The following CA10 variants were observed in gnomAD, a reference collection of about 807,000 sequenced individuals.
The protein encoded by CA10 is carbonic anhydrase 10 (inactive).
CA10 carries 14 observed loss-of-function variants against 44.2 expected under a neutral mutation model. The ratio of observed to expected loss-of-function variants is 0.32; its 90% CI spans 0.21 to 0.50. The LOEUF (loss-of-function observed/expected upper bound fraction) is 0.50, where lower values mean the gene tolerates loss of function less well. CA10 is among the 20% of genes least tolerant of loss of function. The pLI, the probability that CA10 is intolerant of heterozygous loss-of-function variation, is 0.99. For missense variants in CA10, 350 were observed against 409.7 expected (o/e 0.85, Z 1.26); for synonymous variants, 159 against 141.6 (o/e 1.12, Z -0.87).
In CA10 at chr17:51,760,984, C is replaced by T. The variant is rs1196402902; in HGVS notation, c.280-13166G>A. Among the ~76,000 whole-genome samples, 5 of 152,114 alleles carry T rather than the reference C, an allele frequency of 3.3e-5. No homozygotes were observed. In the South Asian group the frequency reaches 8.3e-4, roughly 25 times the overall value. ...TTTATACTCAAAACACATTACAATTCGAACTCACCACATTTCAATCGCGGC... is the reference window on the plus strand; with the variant it reads ...TTTATACTCAAAACACATTACAATTTGAACTCACCACATTTCAATCGCGGC... On this transcript the variant is annotated intron_variant, in intron 3 of 8. Transcript: ENST00000451037.
intron 3 of CA10, among the ~76,000 whole-genome samples, chr17:51,874,419 ACTCAG>A (rs1979959945): frequency 6.6e-6 from 1 of 151,480 alleles, no homozygotes; most frequent in East Asian, 1.9e-4. Context: ...AAAACTGAAA[ACTCAG>A]CTCTCCTTTA....
intron 1 of CA10, among the ~76,000 whole-genome samples, chr17:52,108,053 T>A (rs1988697583): frequency 6.6e-6 from 1 of 151,774 alleles, no homozygotes; most frequent in African/African-American, 2.4e-5. Context: ...TGCATTTAAT[T>A]AGCCACGCAC....
chr17:51,830,941 C>T (rs562708848), intron 3 of CA10, among the ~76,000 whole-genome samples: 19 of 152,252 alleles, frequency 1.2e-4, no homozygotes, highest in Admixed American at 7.2e-4. Flanking sequence ...CTATTTTTGC[C>T]ATTGAAAGTA....
intron 4 of CA10, among the ~76,000 whole-genome samples, chr17:51,717,632 TATGC>T (rs370385894): frequency 0.023 from 1,313 of 57,268 alleles, 294 homozygotes; most frequent in East Asian, 0.047. Flanking sequence ...TATGCACATA[TATGC>T]ATGTATATAT....
intron 2 of CA10, among the ~76,000 whole-genome samples, chr17:51,932,566 A>G (rs529642028): frequency 2.6e-5 from 4 of 152,128 alleles, no homozygotes; most frequent in Non-Finnish European, 5.9e-5. Flanking sequence ...CAAATATCTA[A>G]TTTGGTTTCA....
chr17:51,985,985 G>T (rs1984820591), intron 2 of CA10, among the ~76,000 whole-genome samples: 1 of 151,868 alleles, frequency 6.6e-6, no homozygotes, highest in South Asian at 2.1e-4. Flanking sequence ...ATTCTTTACA[G>T]AACTAGAAAA....
intron 1 of CA10, among the ~76,000 whole-genome samples, chr17:52,137,434 T>A (rs2143371059): frequency 6.6e-6 from 1 of 152,380 alleles, no homozygotes; most frequent in Non-Finnish European, 1.5e-5. Context: ...AATGCTTTTA[T>A]GCATAAATTG....
At chr17:51,898,463 T>A (rs945517798) in intron 3 of CA10, among the ~76,000 whole-genome samples, 1 of 152,176 alleles carries the variant, frequency 6.6e-6, no homozygotes, top group African/African-American at 2.4e-5. Flanking sequence ...CAGTATTTTG[T>A]TGACGATTTT....
intron 4 of CA10, among the ~76,000 whole-genome samples, chr17:51,704,471 T>A (rs1915699115): frequency 6.6e-6 from 1 of 152,224 alleles, no homozygotes; most frequent in Admixed American, 6.5e-5. Context: ...CGTAAAATAA[T>A]GTAGCTGAAC....
intron 1 of CA10, among the ~76,000 whole-genome samples, chr17:52,144,280 C>G (rs1295853808): frequency 6.6e-6 from 1 of 152,034 alleles, no homozygotes; most frequent in Non-Finnish European, 1.5e-5. Flanking sequence ...TGGATTAGGC[C>G]ATAATAATAC....
intron 1 of CA10, among the ~76,000 whole-genome samples, chr17:52,137,801 C>A: frequency 6.6e-6 from 1 of 152,180 alleles, no homozygotes; most frequent in Non-Finnish European, 1.5e-5. Flanking sequence ...GTTTACCCAA[C>A]CTAGCTTTAG....
At chr17:52,112,869 T>G (rs1988815386) in intron 1 of CA10, among the ~76,000 whole-genome samples, 1 of 152,222 alleles carries the variant, frequency 6.6e-6, no homozygotes, top group Non-Finnish European at 1.5e-5. Context: ...TCCAATGTTC[T>G]GAATGCACAT....
At chr17:52,136,036 A>G (rs973147528) in intron 1 of CA10, among the ~76,000 whole-genome samples, 3 of 152,214 alleles carry the variant, frequency 2.0e-5, no homozygotes, top group African/African-American at 7.2e-5. Flanking sequence ...GCTTAAAACC[A>G]AAGTTAAGTC....
At chr17:51,752,789 G>A (rs1321456158) in intron 3 of CA10, among the ~76,000 whole-genome samples, 4 of 152,050 alleles carry the variant, frequency 2.6e-5, no homozygotes, top group Non-Finnish European at 5.9e-5. Flanking sequence ...AGCGGGGTGT[G>A]GTAGCAGGCA....
At chr17:52,150,996 AT>A (rs928303398) in intron 1 of CA10, among the ~76,000 whole-genome samples, 6 of 151,992 alleles carry the variant, frequency 3.9e-5, no homozygotes, top group East Asian at 1.9e-4. Context: ...TTAGGTCAGG[AT>A]TTTTTTTAAT....
intron 3 of CA10, among the ~76,000 whole-genome samples, chr17:51,823,460 T>G (rs1907894330): frequency 6.6e-6 from 1 of 152,268 alleles, no homozygotes; most frequent in Admixed American, 6.5e-5. Context: ...AAGGGGCTGC[T>G]TTCCAGTTCT....
intron 3 of CA10, among the ~76,000 whole-genome samples, chr17:51,905,828 T>C (rs181034339): frequency 7.6e-4 from 115 of 152,226 alleles, no homozygotes; most frequent in African/African-American, 2.4e-3. Flanking sequence ...TTCCCGCTCC[T>C]CACTCTCAGT....
chr17:52,086,490 TACTTCTGCCCACATTTCATTGACTAGA>T (rs1988121024), intron 1 of CA10, among the ~76,000 whole-genome samples: 1 of 152,202 alleles, frequency 6.6e-6, no homozygotes, highest in South Asian at 2.1e-4. Context: ...TAATATTCAC[TACTTCTGCCCACATTTCATTGACTAGA>T]ACTTGGCCTC....
rs558948284 is a variant in CA10, at chr17:52,158,101, AGCGGCGGCGGCG to A, written c.-327_-316del. The A allele has an allele frequency of 1.0e-5, 5 of 491,204 alleles. No homozygotes were observed. The highest frequency in any genetic ancestry group is 3.9e-5 in the African/African-American group (2 of 50,896). The allele number at this position is 491,204 out of a possible 1,614,324, so 30.4% of individuals were successfully genotyped here. A position where few individuals can be genotyped will look rare whatever the true frequency, so the allele number is the denominator to read the frequency against. On this transcript the variant is annotated 5_prime_UTR_variant, in exon 1 of 9. Transcript: ENST00000451037. ...CACCAGCGGCGGAAACCGCACTAGC[AGCGGCGGCGGCG>A]GCGGCGGCGGCAGCAGCCACCTGAA...
Sources: gnomAD v4.1 joint callset for allele counts (sites outside exome capture counted in the v4.1 genomes callset) on GRCh38, gnomAD v4.1.1 for gene constraint, MANE v1.5 for transcripts, NCBI Gene and HGNC (gene_info 2026-07-23, HGNC 2026-07-21) for gene names.